Variants in CNTN4 observed in about 807,000 individuals in gnomAD.
The protein encoded by CNTN4 is contactin 4.
A neutral mutation model predicts 122.5 loss-of-function variants in CNTN4; 77 were observed. The observed-to-expected ratio is 0.63, with a 90% CI of 0.52 to 0.76. The LOEUF (loss-of-function observed/expected upper bound fraction) is 0.76, where lower values mean the gene tolerates loss of function less well. CNTN4 is among the 30% of genes least tolerant of loss of function. The pLI is 0.00. For missense variants in CNTN4, 1,256 were observed against 1,259.1 expected (o/e 1.00, Z 0.04); for synonymous variants, 512 against 447.0 (o/e 1.15, Z -1.83).
At chr3:2,946,782 C>G (rs190921656) in intron 13 of CNTN4, among the ~76,000 whole-genome samples, 1 of 146,862 alleles carries the variant, frequency 6.8e-6, no homozygotes, top group East Asian at 2.0e-4. Context: ...TGGCTCACTG[C>G]AATAATCCCA....
chr3:2,874,339 T>A (rs2093819018), intron 8 of CNTN4, among the ~76,000 whole-genome samples: 1 of 152,186 alleles, frequency 6.6e-6, no homozygotes, highest in African/African-American at 2.4e-5. Context: ...TAATGAAGGG[T>A]CTAAAGTTTC....
chr3:3,048,090 A>G (rs933855576), intron 23 of CNTN4, among the ~76,000 whole-genome samples: 9 of 152,056 alleles, frequency 5.9e-5, no homozygotes, highest in African/African-American at 1.9e-4. Flanking sequence ...CACCTCCTCA[A>G]CTACACCCCA....
chr3:2,402,482 G>C (rs1016088062), intron 3 of CNTN4, among the ~76,000 whole-genome samples: 2 of 152,052 alleles, frequency 1.3e-5, no homozygotes, highest in Non-Finnish European at 2.9e-5. Context: ...AACATACAAT[G>C]TGTAATTATT....
intron 4 of CNTN4, among the ~76,000 whole-genome samples, chr3:2,722,101 G>A (rs899492725): frequency 6.6e-6 from 1 of 152,168 alleles, no homozygotes; most frequent in Non-Finnish European, 1.5e-5. Flanking sequence ...CCCAGTTTAT[G>A]TTATTTTGTT....
At chr3:2,306,075 A>G (rs940147775) in intron 2 of CNTN4, among the ~76,000 whole-genome samples, 16 of 152,166 alleles carry the variant, frequency 1.1e-4, no homozygotes, top group African/African-American at 3.6e-4. Flanking sequence ...TTGTAATTAT[A>G]AATAATGTTG....
At chr3:2,619,966 CT>C (rs1223468661) in intron 4 of CNTN4, among the ~76,000 whole-genome samples, 11 of 151,672 alleles carry the variant, frequency 7.3e-5, no homozygotes, top group Non-Finnish European at 1.0e-4. Flanking sequence ...GTACCTGGTA[CT>C]TTTTTCCCCT....
intron 4 of CNTN4, among the ~76,000 whole-genome samples, chr3:2,693,116 T>C (rs1175740794): frequency 6.6e-6 from 1 of 152,158 alleles, no homozygotes; most frequent in African/African-American, 2.4e-5. Context: ...ACCGCAAATA[T>C]CCATATGTCT....
chr3:2,901,315 T>A (rs191250948), intron 11 of CNTN4, among the ~76,000 whole-genome samples: 1 of 152,324 alleles, frequency 6.6e-6, no homozygotes, highest in East Asian at 1.9e-4. Context: ...AAATATTAAT[T>A]GAAATTTGAC....
intron 3 of CNTN4, among the ~76,000 whole-genome samples, chr3:2,399,977 G>A (rs2046780276): frequency 6.6e-6 from 1 of 151,950 alleles, no homozygotes; most frequent in Non-Finnish European, 1.5e-5. Flanking sequence ...AAATAATTCA[G>A]GAAGAAATAT....
chr3:2,382,802 G>C (rs1221624274), intron 3 of CNTN4, among the ~76,000 whole-genome samples: 2 of 152,116 alleles, frequency 1.3e-5, no homozygotes, highest in Non-Finnish European at 2.9e-5. Context: ...GGCCAGGCCT[G>C]GTGGCTCATG....
intron 4 of CNTN4, among the ~76,000 whole-genome samples, chr3:2,657,053 A>G (rs985847789): frequency 6.6e-6 from 1 of 152,230 alleles, no homozygotes; most frequent in African/African-American, 2.4e-5. Flanking sequence ...AAAATAAATT[A>G]TGCAATGGGA....
chr3:2,335,765 C>G (rs569897611), intron 2 of CNTN4, among the ~76,000 whole-genome samples: 2 of 152,168 alleles, frequency 1.3e-5, no homozygotes, highest in South Asian at 4.1e-4. Flanking sequence ...ATAATTCCTG[C>G]TTATATAATC....
At chr3:2,159,012 T>A (rs1426784055) in intron 2 of CNTN4, among the ~76,000 whole-genome samples, 1 of 152,088 alleles carries the variant, frequency 6.6e-6, no homozygotes, top group Non-Finnish European at 1.5e-5. Flanking sequence ...TGAGGTCTAG[T>A]GTATGAAGTT....
At chr3:2,955,517 C>G (rs990348083) in intron 13 of CNTN4, among the ~76,000 whole-genome samples, 14 of 152,130 alleles carry the variant, frequency 9.2e-5, no homozygotes, top group African/African-American at 3.4e-4. Flanking sequence ...TCCAGAAGGA[C>G]AGAGTGAGAA....
intron 8 of CNTN4, among the ~76,000 whole-genome samples, chr3:2,872,597 C>A (rs903720799): frequency 1.3e-5 from 2 of 151,884 alleles, no homozygotes; most frequent in Non-Finnish European, 2.9e-5. Flanking sequence ...TGAATATTAA[C>A]CCGAATTGGA....
chr3:2,307,473 C>T (rs906708740), intron 2 of CNTN4, among the ~76,000 whole-genome samples: 33 of 151,452 alleles, frequency 2.2e-4, no homozygotes, highest in African/African-American at 7.7e-4. Context: ...CCATTCTTGT[C>T]TTCTTTTTGA....
chr3:2,574,131 G>A (rs1019518484), intron 4 of CNTN4, among the ~76,000 whole-genome samples: 5 of 152,156 alleles, frequency 3.3e-5, no homozygotes, highest in Non-Finnish European at 7.3e-5. Context: ...CAGGAGAATC[G>A]CCTGAACCTG....
chr3:2,120,084 G>C (rs953126643), intron 2 of CNTN4, among the ~76,000 whole-genome samples: 9 of 151,820 alleles, frequency 5.9e-5, no homozygotes, highest in Non-Finnish European at 8.8e-5. Context: ...GGGGCAGTAG[G>C]TAAGTAAGAG....
chr3:2,726,819 C>T lies in CNTN4; in HGVS notation c.56-9396C>T, dbSNP rs147729112. Among the ~76,000 whole-genome samples the T allele has an allele frequency of 1.2e-4, 18 of 152,230 alleles. No individual in the cohort carries two copies. The East Asian group carries it at 3.5e-3, about 29-fold the overall frequency. On this transcript the variant is annotated intron_variant, in intron 4 of 24. Coordinates refer to ENST00000418658, the MANE Select transcript of CNTN4 (RefSeq NM_175607.3). ...AATACGTGATGGACCCTGATGTGAACTGTGGGCTTTAGTTAATATGCATGC... is the reference window on the plus strand; with the variant it reads ...AATACGTGATGGACCCTGATGTGAATTGTGGGCTTTAGTTAATATGCATGC...
Sources: allele counts gnomAD v4.1 joint callset (sites outside exome capture counted in the v4.1 genomes callset), GRCh38; gene constraint gnomAD v4.1.1; transcripts MANE v1.5; gene names NCBI Gene and HGNC (gene_info 2026-07-23, HGNC 2026-07-21).